The following GLIS3 variants were observed in gnomAD, a reference collection of about 807,000 sequenced individuals.
The protein encoded by GLIS3 is zinc finger protein GLIS3.
In GLIS3, 53 loss-of-function variants were observed where a neutral mutation model predicts 78.6. The ratio of observed to expected loss-of-function variants is 0.67; its 90% CI spans 0.54 to 0.85. The LOEUF is 0.85. GLIS3 is among the 40% of genes least tolerant of loss of function. GLIS3 has a pLI of 0.00. For synonymous variants in GLIS3, 684 were observed against 509.9 expected (o/e 1.34, Z -4.60); for missense variants, 1,703 against 1,231.1 (o/e 1.38, Z -5.74).
chr9:4,357,190 A>C, the GLIS3 span, among the ~76,000 whole-genome samples: 1 of 152,216 alleles, frequency 6.6e-6, no homozygotes, highest in South Asian at 2.1e-4. Flanking sequence ...ACTGGGTTAC[A>C]AGGTGCCCAG....
intron 4 of GLIS3, among the ~76,000 whole-genome samples, chr9:3,995,277 AC>A (rs1820654830): frequency 6.6e-6 from 1 of 152,130 alleles, no homozygotes; most frequent in South Asian, 2.1e-4. Flanking sequence ...ACACTCAAAA[AC>A]TGATATTTTA....
upstream of GLIS3, among the ~76,000 whole-genome samples, chr9:4,302,595 G>C (rs554944478): frequency 2.2e-4 from 33 of 152,306 alleles, no homozygotes; most frequent in African/African-American, 7.2e-4. Context: ...TGTATGATGT[G>C]GCTATGAATA....
chr9:4,392,597 T>G, the GLIS3 span, among the ~76,000 whole-genome samples: 1 of 152,124 alleles, frequency 6.6e-6, no homozygotes, highest in Non-Finnish European at 1.5e-5. Flanking sequence ...AGCTTTTTCT[T>G]TTGTATCTGG....
chr9:4,185,992 TTTTTA>T (rs763282019), intron 2 of GLIS3, among the ~76,000 whole-genome samples: 1 of 151,926 alleles, frequency 6.6e-6, no homozygotes, highest in Non-Finnish European at 1.5e-5. Context: ...TTTCTTCTTT[TTTTTA>T]AATTTTATTT....
At chr9:4,033,333 A>T (rs1287057991) in intron 4 of GLIS3, among the ~76,000 whole-genome samples, 1 of 152,210 alleles carries the variant, frequency 6.6e-6, no homozygotes, top group East Asian at 1.9e-4. Flanking sequence ...GCTGCAGCGC[A>T]CCCACTTCAG....
intron 2 of GLIS3, among the ~76,000 whole-genome samples, chr9:4,254,836 T>C (rs541933073): frequency 6.5e-5 from 9 of 139,374 alleles, no homozygotes; most frequent in African/African-American, 2.4e-4. Flanking sequence ...CAAGACTACG[T>C]CTCAAAAAAA....
intron 4 of GLIS3, among the ~76,000 whole-genome samples, chr9:3,988,863 CT>C (rs1240447568): frequency 6.6e-6 from 1 of 151,946 alleles, no homozygotes; most frequent in African/African-American, 2.4e-5. Context: ...TAGGCAAAGA[CT>C]TCTTAGACTT....
chr9:3,891,097 A>C (rs1822407546), intron 7 of GLIS3, among the ~76,000 whole-genome samples: 1 of 147,764 alleles, frequency 6.8e-6, no homozygotes, highest in Non-Finnish European at 1.5e-5. Flanking sequence ...AGAAGAAAGT[A>C]GGAGGAAGAG....
chr9:4,168,526 C>A (rs1434021422), intron 2 of GLIS3, among the ~76,000 whole-genome samples: 1 of 152,264 alleles, frequency 6.6e-6, no homozygotes, highest in Non-Finnish European at 1.5e-5. Context: ...GTGATAAAAG[C>A]AAGTGGTTTA....
intron 4 of GLIS3, among the ~76,000 whole-genome samples, chr9:3,953,579 A>T (rs1359785336): frequency 6.6e-6 from 1 of 152,170 alleles, no homozygotes; most frequent in Non-Finnish European, 1.5e-5. Context: ...GCAATATCTG[A>T]ATATTTCTTT....
At chr9:4,057,905 T>A (rs1826281478) in intron 4 of GLIS3, among the ~76,000 whole-genome samples, 1 of 152,118 alleles carries the variant, frequency 6.6e-6, no homozygotes. Flanking sequence ...CTTTTTCACA[T>A]GTAAAAAAAC....
chr9:4,196,372 C>T (rs987526173), intron 2 of GLIS3, among the ~76,000 whole-genome samples: 1 of 152,214 alleles, frequency 6.6e-6, no homozygotes, highest in African/African-American at 2.4e-5. Flanking sequence ...GCAGGCTGCC[C>T]CAGCCAGCAG....
chr9:4,286,001 T>C, intron 2 of GLIS3, 37 bp downstream of exon 2: 1 of 1,613,270 alleles, frequency 6.2e-7, no homozygotes, highest in African/African-American at 1.3e-5. Context: ...AAAAAAATCG[T>C]TTCCATTTTT....
intron 2 of GLIS3, among the ~76,000 whole-genome samples, chr9:4,182,664 T>C (rs1195044972): frequency 2.0e-5 from 3 of 152,206 alleles, no homozygotes; most frequent in East Asian, 1.9e-4. Context: ...AAGATCTCCA[T>C]GAGTCATGGT....
intron 4 of GLIS3, among the ~76,000 whole-genome samples, chr9:4,066,692 T>C (rs1246154556): frequency 6.6e-6 from 1 of 152,198 alleles, no homozygotes; most frequent in Non-Finnish European, 1.5e-5. Flanking sequence ...CTGTAACATT[T>C]CTCCTTTGCC....
At chr9:4,102,446 G>C (rs1198930012) in intron 4 of GLIS3, among the ~76,000 whole-genome samples, 2 of 152,168 alleles carry the variant, frequency 1.3e-5, no homozygotes, top group African/African-American at 2.4e-5. Flanking sequence ...CTGTCACTCA[G>C]TGTTTCTCAA....
chr9:4,268,054 C>T (rs1212163163), intron 2 of GLIS3, among the ~76,000 whole-genome samples: 7 of 151,168 alleles, frequency 4.6e-5, no homozygotes, highest in Admixed American at 3.3e-4. Context: ...CGTGCGTGCG[C>T]ACACACACAC....
At chr9:4,122,639 T>A (rs976600193) in intron 3 of GLIS3, among the ~76,000 whole-genome samples, 1 of 152,188 alleles carries the variant, frequency 6.6e-6, no homozygotes, top group African/African-American at 2.4e-5. Context: ...AACAGAAATA[T>A]TTGCAGGTAG....
At chr9:4,426,700 G>T in the GLIS3 span, among the ~76,000 whole-genome samples, 1 of 152,228 alleles carries the variant, frequency 6.6e-6, no homozygotes, top group Admixed American at 6.5e-5. Flanking sequence ...AAACTAGAAT[G>T]ATTGGGTTTC....
Sources: allele counts gnomAD v4.1 joint callset (sites outside exome capture counted in the v4.1 genomes callset), GRCh38; gene constraint gnomAD v4.1.1; transcripts MANE v1.5; gene names NCBI Gene and HGNC (gene_info 2026-07-23, HGNC 2026-07-21).